The following AKNAD1 variants were observed in gnomAD, a reference collection of about 807,000 sequenced individuals.
The protein encoded by AKNAD1 is AKNA domain containing 1, also known as protein AKNAD1.
Under a neutral mutation model 90.8 loss-of-function variants are expected in AKNAD1, and 67 were observed. The ratio of observed to expected loss-of-function variants is 0.74; its 90% confidence interval spans 0.61 to 0.90. AKNAD1 has a LOEUF of 0.90. Ranked by LOEUF, AKNAD1 falls within the 40% of genes least tolerant of loss-of-function variation. The pLI is 0.00. For missense variants in AKNAD1, 957 were observed against 975.4 expected (o/e 0.98, Z 0.25); for synonymous variants, 327 against 341.4 (o/e 0.96, Z 0.46).
Position 108,816,087 on chromosome 1 carries a change from T to G in AKNAD1, c.*84A>C, listed in dbSNP as rs993717762. On this transcript the variant is annotated 3_prime_UTR_variant, in exon 16 of 16. Transcript: ENST00000370001. ...TCTAGAAAGTCATCTTCCTAAATTG[T>G]GTAGTAAGTAAAATACATTTTGGGG... 7.3e-6 allele frequency: 10 copies of G among 1,368,538 alleles called. No individual in the cohort carries two copies. The highest frequency in any genetic ancestry group is 1.9e-4 in the Middle Eastern group (1 of 5,194). The allele number at this position is 1,368,538 out of a possible 1,614,324, so 84.8% of individuals were successfully genotyped here.
chr1:108,817,232 C>A, intron 14 of AKNAD1, 55 bp from the exon 15 acceptor site: 2 of 1,605,396 alleles, frequency 1.2e-6, no homozygotes, highest in East Asian at 2.2e-5. Flanking sequence ...CAAGCACACT[C>A]CTGTTCACGT....
intron 10 of AKNAD1, among the ~76,000 whole-genome samples, chr1:108,828,715 T>C (rs752892529): frequency 2.6e-5 from 4 of 151,824 alleles, no homozygotes; most frequent in Non-Finnish European, 5.9e-5. Flanking sequence ...GAGTCACATA[T>C]TTTCTCACAC....
chr1:108,852,767 T>G lies in AKNAD1; in HGVS notation c.-103A>C. ...ACTGACTGTCTTCACTGTGTGCTAT[T>G]CTGTGTGAAATGAGAACAGCCTCAT... On this transcript the variant is annotated splice_region_variant and 5_prime_UTR_variant, in exon 2 of 16. Coordinates refer to ENST00000370001, the MANE Select transcript of AKNAD1 (RefSeq NM_152763.5). 3 of 1,115,984 alleles carry G rather than the reference T, an allele frequency of 2.7e-6. No homozygotes were observed. Among genetic ancestry groups the G allele is most frequent in the Non-Finnish European group, 3.7e-6 (3 of 804,306 alleles). 69.1% of individuals were successfully genotyped at this position (1,115,984 alleles called of 1,614,324 possible).
At position 108,834,383 on chromosome 1, in the gene AKNAD1, C is replaced by G; in HGVS notation, c.1746+64G>C. The stretch of plus-strand genomic sequence containing the variant: ...AATTTCACAGTCACATTCAGCAACA[C>G]TGGTTTTAGTTAAAGAGCCAACAAT... On this transcript the variant is annotated intron_variant, in intron 9 of 15. Coordinates refer to ENST00000370001, the MANE Select transcript of AKNAD1 (RefSeq NM_152763.5). 2.2e-6 allele frequency: 3 copies of G among 1,361,990 alleles called. No individual in the cohort carries two copies. The Admixed American group carries it at 6.4e-5, about 29-fold the overall frequency. 84.4% of individuals were successfully genotyped at this position (1,361,990 alleles called of 1,614,324 possible). A position where few individuals can be genotyped will look rare whatever the true frequency, so the allele number is the denominator to read the frequency against.
chr1:108,817,293 G>A, intron 14 of AKNAD1, 116 bp from the exon 15 acceptor site: 10 of 1,309,588 alleles, frequency 7.6e-6, no homozygotes, highest in East Asian at 2.5e-5. Flanking sequence ...GGGTGGATTC[G>A]TGCACCCGCT....
intron 14 of AKNAD1, among the ~76,000 whole-genome samples, chr1:108,819,919 C>CAAAAA (rs71591113): frequency 2.3e-5 from 3 of 129,040 alleles, no homozygotes; most frequent in East Asian, 2.4e-4. Context: ...GAATTAACAG[C>CAAAAA]AAAAAAAAAA....
intron 10 of AKNAD1, among the ~76,000 whole-genome samples, chr1:108,829,050 T>G (rs1328404714): frequency 6.6e-6 from 1 of 151,868 alleles, no homozygotes; most frequent in Non-Finnish European, 1.5e-5. Context: ...GAAAACAGTA[T>G]GTACCTCAGC....
At chr1:108,816,419 T>C (rs888056926) in intron 15 of AKNAD1, 117 bp from the exon 16 acceptor site, 12 of 1,136,070 alleles carry the variant, frequency 1.1e-5, no homozygotes, top group Middle Eastern at 5.1e-4. Context: ...CCTGTTTTCC[T>C]CTTGGTCTAT....
Position 108,852,612 on chromosome 1 carries a change from G to A in AKNAD1, c.53C>T (p.Pro18Leu). 1.2e-6 allele frequency: 2 copies of A among 1,608,420 alleles called. No homozygotes were observed. The highest frequency in any genetic ancestry group is 1.1e-5 in the South Asian group (1 of 90,434). Residue 18 changes from proline (P) to leucine (L), a missense_variant, in exon 2 of 16, where the codon CCT (proline) becomes CTT (leucine). By Grantham distance (98) the Pro-to-Leu change is moderately conservative. Transcript: ENST00000370001. ...EHTTYKQEDL[P>L]YDGDLSQIKI... Reference sequence around the variant, plus strand: ...AATCTGAGAGAGGTCCCCATCATAAGGCAAATCCTCCTGCTTATAAGTCGT... The same window carrying A: ...AATCTGAGAGAGGTCCCCATCATAAAGCAAATCCTCCTGCTTATAAGTCGT...
At chr1:108,855,800 A>C (rs1416408075) in intron 1 of AKNAD1, among the ~76,000 whole-genome samples, 1 of 151,746 alleles carries the variant, frequency 6.6e-6, no homozygotes, top group Admixed American at 6.6e-5. Context: ...ATAAAAAATA[A>C]TAAATAAATA....
intron 1 of AKNAD1, among the ~76,000 whole-genome samples, 153 bp from the exon 2 acceptor site, chr1:108,852,920 C>T (rs1353745477): frequency 6.6e-6 from 1 of 151,630 alleles, no homozygotes; most frequent in Non-Finnish European, 1.5e-5. Flanking sequence ...CCTCAATCCA[C>T]ACTATGTTAA....
intron 6 of AKNAD1, among the ~76,000 whole-genome samples, chr1:108,842,346 A>G (rs1037949337): frequency 6.6e-6 from 1 of 152,204 alleles, no homozygotes; most frequent in African/African-American, 2.4e-5. Context: ...TAAGCCTACT[A>G]AATAGTTTCT....
chr1:108,854,500 C>G (rs550441691), intron 1 of AKNAD1, among the ~76,000 whole-genome samples: 1 of 152,212 alleles, frequency 6.6e-6, no homozygotes, highest in Admixed American at 6.5e-5. Context: ...TTTTTTTGAA[C>G]TAAGTCGTCC....
chr1:108,826,264 C>A (rs1663993112), intron 11 of AKNAD1, among the ~76,000 whole-genome samples: 1 of 151,622 alleles, frequency 6.6e-6, no homozygotes, highest in South Asian at 2.1e-4. Context: ...TGTAAGAAAG[C>A]CTGGGTAGCT....
intron 2 of AKNAD1, among the ~76,000 whole-genome samples, chr1:108,850,716 T>C (rs1664829669): frequency 1.3e-5 from 2 of 152,064 alleles, no homozygotes; most frequent in Non-Finnish European, 2.9e-5. Context: ...AAACAGGCAG[T>C]GTGGTTCAGT....
chr1:108,831,864 T>G (rs1664209596), intron 9 of AKNAD1, among the ~76,000 whole-genome samples: 1 of 152,132 alleles, frequency 6.6e-6, no homozygotes, highest in African/African-American at 2.4e-5. Flanking sequence ...GACCTCATGA[T>G]TCGCCCACCT....
chr1:108,845,804 G>A (rs1490683587), intron 5 of AKNAD1, among the ~76,000 whole-genome samples: 11 of 152,294 alleles, frequency 7.2e-5, no homozygotes, highest in South Asian at 2.1e-4. Flanking sequence ...TGGGATGTCC[G>A]AAGTGAAGAG....
chr1:108,827,311 A>AC lies in AKNAD1; in HGVS notation c.1839-10_1839-9insG. 6.3e-7 allele frequency: 1 copy of AC among 1,588,900 alleles called. No individual in the cohort carries two copies. The highest frequency in any genetic ancestry group is 2.3e-5 in the East Asian group (1 of 43,788). ...TCTCCACGTTTTGCTTCCTAAAAAAAGGTGCATAAGATCCTGTAAACTTTT... is the reference window on the plus strand; with the variant it reads ...TCTCCACGTTTTGCTTCCTAAAAAAACGGTGCATAAGATCCTGTAAACTTTT... On this transcript the variant is annotated splice_polypyrimidine_tract_variant and intron_variant, in intron 10 of 15. Coordinates refer to ENST00000370001, the MANE Select transcript of AKNAD1 (RefSeq NM_152763.5).
At chr1:108,839,162 G>A (rs1207805086) in intron 6 of AKNAD1, among the ~76,000 whole-genome samples, 1 of 152,136 alleles carries the variant, frequency 6.6e-6, no homozygotes, top group Non-Finnish European at 1.5e-5. Flanking sequence ...CAACAGATAA[G>A]TCCTATATTA....
Sources: allele counts gnomAD v4.1 joint callset (sites outside exome capture counted in the v4.1 genomes callset), GRCh38; gene constraint gnomAD v4.1.1; transcripts MANE v1.5; gene names NCBI Gene and HGNC (gene_info 2026-07-23, HGNC 2026-07-21).